BANK1: variants seen among roughly 807,000 people sequenced by gnomAD.
BANK1 encodes the protein B cell scaffold protein with ankyrin repeats 1, also known as B-cell scaffold protein with ankyrin repeats.
In BANK1, 95 loss-of-function variants were observed where a neutral mutation model predicts 94.5. That is an observed-to-expected ratio of 1.00 (90% CI 0.85 to 1.19). The LOEUF (loss-of-function observed/expected upper bound fraction) is 1.19, where lower values mean the gene tolerates loss of function less well. BANK1 is among the 50% of genes most tolerant of loss of function. The pLI is 0.00. For missense variants in BANK1, 987 were observed against 932.2 expected (o/e 1.06, Z -0.77); for synonymous variants, 334 against 308.4 (o/e 1.08, Z -0.87).
intron 11 of BANK1, among the ~76,000 whole-genome samples, chr4:102,045,920 T>C (rs1727862335): frequency 1.3e-5 from 2 of 151,540 alleles, no homozygotes; most frequent in South Asian, 4.2e-4. Context: ...AATGACTTTC[T>C]TCACAGAATT....
chr4:101,859,863 G>A (rs1287444343), intron 3 of BANK1, among the ~76,000 whole-genome samples: 1 of 152,162 alleles, frequency 6.6e-6, no homozygotes, highest in Non-Finnish European at 1.5e-5. Context: ...TTAACATCTA[G>A]CTAGAAAGGC....
intron 1 of BANK1, among the ~76,000 whole-genome samples, chr4:101,804,516 G>C (rs894352088): frequency 7.9e-5 from 12 of 152,156 alleles, no homozygotes; most frequent in African/African-American, 2.9e-4. Flanking sequence ...GTACTCCCAA[G>C]AAGAAGAGAA....
rs200445853 is a variant in BANK1 at position 101,974,139 on chromosome 4, AT to A, written c.1207-47372del. Among the ~76,000 whole-genome samples the A allele has an allele frequency of 3.8e-3, 575 of 152,260 alleles. 7 individuals are homozygous for A. Among genetic ancestry groups the A allele is most frequent in the African/African-American group, 0.013 (549 of 41,568 alleles). On this transcript the variant is annotated intron_variant, in intron 7 of 16. Coordinates refer to ENST00000322953, the MANE Select transcript of BANK1 (RefSeq NM_017935.5). ...ATAATAAATATTCCTATTTAGAAAT[AT>A]TTAAATACTTTCTCTGCTTCTTTTC...
At chr4:101,884,902 GTTTGT>G (rs1355197421) in intron 5 of BANK1, among the ~76,000 whole-genome samples, 1 of 151,884 alleles carries the variant, frequency 6.6e-6, no homozygotes, top group Non-Finnish European at 1.5e-5. Context: ...TTGTTTGTTT[GTTTGT>G]TTTGTTTTGT....
chr4:101,894,186 T>A (rs1052506832), intron 5 of BANK1, among the ~76,000 whole-genome samples: 1 of 152,068 alleles, frequency 6.6e-6, no homozygotes, highest in Non-Finnish European at 1.5e-5. Flanking sequence ...GTGATTACAT[T>A]ACTGAATTTT....
At chr4:101,967,324 A>T (rs1724798864) in intron 7 of BANK1, among the ~76,000 whole-genome samples, 1 of 152,152 alleles carries the variant, frequency 6.6e-6, no homozygotes, top group Non-Finnish European at 1.5e-5. Context: ...AAAGGATATT[A>T]AAAAATTTAG....
intron 7 of BANK1, among the ~76,000 whole-genome samples, chr4:102,010,016 C>T (rs1254498678): frequency 1.3e-5 from 2 of 152,170 alleles, no homozygotes; most frequent in African/African-American, 4.8e-5. Flanking sequence ...CCTGTAATCC[C>T]AGCACTTTGG....
chr4:101,876,222 G>A (rs1303882078), intron 5 of BANK1, among the ~76,000 whole-genome samples: 2 of 152,194 alleles, frequency 1.3e-5, no homozygotes, highest in Non-Finnish European at 2.9e-5. Context: ...CCTTGGGTGA[G>A]ACTTGCTGGC....
chr4:102,044,476 A>G (rs372428827), intron 11 of BANK1, among the ~76,000 whole-genome samples: 1 of 150,104 alleles, frequency 6.7e-6, no homozygotes, highest in Non-Finnish European at 1.5e-5. Flanking sequence ...ATTGTGAATA[A>G]TGCCGCAATA....
In BANK1 at chr4:101,790,909, T is replaced by A; in HGVS notation, c.29T>A (p.Leu10His). The stretch of plus-strand genomic sequence containing the variant: ...CTGCCAGCAGCGCCAGGCAAGGGGC[T>A]TGGGAGCCCGGACCCCGCCCCCTGC... MLPAAPGKGLGSPDPAPCGP... is the reference protein window; with the variant it reads MLPAAPGKGHGSPDPAPCGP... The change falls in exon 1 of 17, where the codon CTT becomes CAT. Residue 10 changes from leucine to histidine, a missense_variant. Physicochemically the swap from Leu to His is moderately conservative, Grantham distance 99. Transcript: ENST00000322953. 2 of 1,538,468 alleles carry A rather than the reference T, an allele frequency of 1.3e-6. No individual in the cohort carries two copies. Among genetic ancestry groups the A allele is most frequent in the South Asian group, 2.4e-5 (2 of 84,100 alleles).
At chr4:101,999,479 G>A (rs1278889676) in intron 7 of BANK1, among the ~76,000 whole-genome samples, 1 of 152,184 alleles carries the variant, frequency 6.6e-6, no homozygotes, top group Non-Finnish European at 1.5e-5. Flanking sequence ...CTCCCTGGAT[G>A]TATATCTAGT....
chr4:101,904,804 A>G (rs1722393199), intron 6 of BANK1, among the ~76,000 whole-genome samples: 1 of 152,208 alleles, frequency 6.6e-6, no homozygotes, highest in African/African-American at 2.4e-5. Context: ...CTACTTTGAT[A>G]TACTTCAGGG....
chr4:102,041,867 A>G (rs1051056071), intron 10 of BANK1, among the ~76,000 whole-genome samples: 1 of 152,088 alleles, frequency 6.6e-6, no homozygotes, highest in African/African-American at 2.4e-5. Flanking sequence ...AGCATTTGTT[A>G]TCAGCAAAAA....
At chr4:101,940,631 G>A (rs1254256271) in intron 7 of BANK1, among the ~76,000 whole-genome samples, 1 of 151,732 alleles carries the variant, frequency 6.6e-6, no homozygotes, top group East Asian at 1.9e-4. Context: ...GTGTTAAGGA[G>A]TGCTGGTCAG....
intron 7 of BANK1, among the ~76,000 whole-genome samples, chr4:101,940,198 G>A (rs995206633): frequency 2.7e-5 from 4 of 150,798 alleles, no homozygotes; most frequent in African/African-American, 9.7e-5. Context: ...TTAATGTTTT[G>A]TATATTAAAT....
intron 5 of BANK1, among the ~76,000 whole-genome samples, chr4:101,879,891 C>G (rs954128646): frequency 2.0e-5 from 3 of 152,018 alleles, no homozygotes; most frequent in African/African-American, 7.2e-5. Context: ...AATTCAACAT[C>G]CTTTCATGGT....
chr4:102,025,145 GAA>G, intron 8 of BANK1, 54 bp from the exon 9 acceptor site: 17 of 1,542,128 alleles, frequency 1.1e-5, no homozygotes, highest in Non-Finnish European at 1.5e-5. Context: ...TATAAAATAT[GAA>G]ATGCCTTCAG....
At chr4:101,972,156 G>T (rs1319655336) in intron 7 of BANK1, among the ~76,000 whole-genome samples, 1 of 151,920 alleles carries the variant, frequency 6.6e-6, no homozygotes, top group Non-Finnish European at 1.5e-5. Flanking sequence ...AGTTGTTTTT[G>T]TGAATCTTTG....
chr4:102,068,313 A>C (rs1431630352), intron 13 of BANK1, among the ~76,000 whole-genome samples: 1 of 152,150 alleles, frequency 6.6e-6, no homozygotes, highest in Non-Finnish European at 1.5e-5. Flanking sequence ...AAAAAGAGGT[A>C]AGAGGAGAGA....
Sources: gnomAD v4.1 joint callset for allele counts (sites outside exome capture counted in the v4.1 genomes callset) on GRCh38, gnomAD v4.1.1 for gene constraint, MANE v1.5 for transcripts, NCBI Gene and HGNC (gene_info 2026-07-23, HGNC 2026-07-21) for gene names.